MOB3B: variants seen among roughly 807,000 people sequenced by gnomAD.
MOB3B encodes MOB kinase activator-like 2B.
Under a neutral mutation model 18.7 loss-of-function variants are expected in MOB3B, and 7 were observed. That is an observed-to-expected ratio of 0.37 (90% CI 0.21 to 0.70). The LOEUF (loss-of-function observed/expected upper bound fraction) is 0.70, where lower values mean the gene tolerates loss of function less well. MOB3B is among the 30% of genes least tolerant of loss of function. MOB3B has a pLI of 0.52. For synonymous variants in MOB3B, 111 were observed against 99.9 expected (o/e 1.11, Z -0.66); for missense variants, 253 against 281.3 (o/e 0.90, Z 0.72).
intron 2 of MOB3B, among the ~76,000 whole-genome samples, chr9:27,437,009 G>A (rs981404586): frequency 6.0e-5 from 9 of 150,620 alleles, no homozygotes; most frequent in Admixed American, 2.0e-4. Context: ...GGGAAGACCT[G>A]GGGGTGGGGG....
At position 27,330,439 on chromosome 9, in the gene MOB3B, G is replaced by C; in HGVS notation, c.*148C>G. ...GGTTAAGAGCACACAAAGTGAGTGG[G>C]GAATGTCTCTCAGGAGTCACTGCTT... On this transcript the variant is annotated 3_prime_UTR_variant, in exon 4 of 4. Coordinates refer to ENST00000262244, the MANE Select transcript of MOB3B (RefSeq NM_024761.5). The C allele has an allele frequency of 3.1e-6, 3 of 975,432 alleles. No individual in the cohort carries two copies. In the East Asian group the frequency reaches 8.0e-5, roughly 26 times the overall value. The allele number at this position is 975,432 out of a possible 1,614,324, so 60.4% of individuals were successfully genotyped here.
At chr9:27,487,917 T>A (rs1056772577) in intron 1 of MOB3B, among the ~76,000 whole-genome samples, 2 of 152,192 alleles carry the variant, frequency 1.3e-5, no homozygotes, top group African/African-American at 4.8e-5. Flanking sequence ...CTTCTGACTG[T>A]CTGATAATCT....
intron 1 of MOB3B, among the ~76,000 whole-genome samples, chr9:27,510,797 G>T (rs548968832): frequency 1.3e-5 from 2 of 152,256 alleles, no homozygotes; most frequent in South Asian, 4.1e-4. Flanking sequence ...GCTACCCACA[G>T]CCTGTCTCTC....
chr9:27,354,098 AG>A, intron 3 of MOB3B, among the ~76,000 whole-genome samples: 1 of 152,346 alleles, frequency 6.6e-6, no homozygotes, highest in Non-Finnish European at 1.5e-5. Flanking sequence ...CTGGGTTCCC[AG>A]GCTGCCAGCC....
chr9:27,339,244 T>C (rs1820906695), intron 3 of MOB3B, among the ~76,000 whole-genome samples: 1 of 152,208 alleles, frequency 6.6e-6, no homozygotes. Context: ...GGTTCAGGCA[T>C]GAGGCCTAAA....
chr9:27,384,853 G>A (rs1024506487), intron 2 of MOB3B, among the ~76,000 whole-genome samples: 17 of 152,306 alleles, frequency 1.1e-4, no homozygotes, highest in African/African-American at 4.1e-4. Context: ...TGTGCCTTGG[G>A]GGAGAACCTT....
At chr9:27,519,150 C>T (rs955283065) in intron 1 of MOB3B, among the ~76,000 whole-genome samples, 1 of 152,144 alleles carries the variant, frequency 6.6e-6, no homozygotes, top group Non-Finnish European at 1.5e-5. Context: ...CTCTCCATAT[C>T]CCTACACAAA....
chr9:27,489,358 C>T (rs1819779304), intron 1 of MOB3B, among the ~76,000 whole-genome samples: 1 of 151,556 alleles, frequency 6.6e-6, no homozygotes, highest in Non-Finnish European at 1.5e-5. Context: ...AGACCTTAGA[C>T]TTATACCCAG....
intron 2 of MOB3B, among the ~76,000 whole-genome samples, chr9:27,445,509 C>A (rs185278260): frequency 1.1e-4 from 16 of 152,146 alleles, no homozygotes; most frequent in African/African-American, 3.6e-4. Context: ...TCTGGTACCT[C>A]GTTGACACAT....
intron 1 of MOB3B, among the ~76,000 whole-genome samples, chr9:27,486,311 C>T (rs916896173): frequency 1.3e-5 from 2 of 152,140 alleles, no homozygotes; most frequent in African/African-American, 4.8e-5. Context: ...ACCTGTAAGC[C>T]AATACCTATC....
chr9:27,520,296 C>G (rs1368833581), intron 1 of MOB3B, among the ~76,000 whole-genome samples: 1 of 152,198 alleles, frequency 6.6e-6, no homozygotes, highest in Non-Finnish European at 1.5e-5. Context: ...AGAGCAGCCC[C>G]TGCTAACCAG....
chr9:27,369,187 C>A (rs1235796229), intron 2 of MOB3B, among the ~76,000 whole-genome samples: 2 of 152,140 alleles, frequency 1.3e-5, no homozygotes. Context: ...AGGTCTAGGA[C>A]TACCACACCT....
rs140755776 is a variant in MOB3B, at chr9:27,381,962, G to A, written c.419-22726C>T. Among the ~76,000 whole-genome samples, 157 of 152,270 alleles carry A rather than the reference G, an allele frequency of 1.0e-3. 1 individual carries two copies. Among genetic ancestry groups the A allele is most frequent in the African/African-American group, 3.5e-3 (144 of 41,556 alleles). ...CTGGAAAAAGTAACATTAAATTGAT[G>A]AGGGGTGGACATTAACCTGATACGA... On this transcript the variant is annotated intron_variant, in intron 2 of 3. Coordinates refer to ENST00000262244, the MANE Select transcript of MOB3B (RefSeq NM_024761.5).
At chr9:27,481,511 GTTTTTTTTGTTTTTT>G (rs1332192159) in intron 1 of MOB3B, among the ~76,000 whole-genome samples, 1 of 69,650 alleles carries the variant, frequency 1.4e-5, no homozygotes, top group Non-Finnish European at 3.8e-5. Flanking sequence ...TTTTTTTTTT[GTTTTTTTTGTTTTTT>G]TTTTTTTTTG....
At position 27,524,495 on chromosome 9, in the gene MOB3B, T is replaced by G. The variant is rs202116714; in HGVS notation, c.-199+5060A>C. 7 of 1,614,116 alleles carry G rather than the reference T, an allele frequency of 4.3e-6. No homozygotes were observed. In the East Asian group the frequency reaches 1.6e-4, roughly 36 times the overall value. On this transcript the variant is annotated intron_variant, in intron 1 of 3. Coordinates refer to ENST00000262244, the MANE Select transcript of MOB3B (RefSeq NM_024761.5). Reference sequence around the variant, plus strand: ...TGAGACATCTGAGTAGTATGAGCAATTCATTTCCTGTAGAATGTCTACGAG... The same window carrying G: ...TGAGACATCTGAGTAGTATGAGCAAGTCATTTCCTGTAGAATGTCTACGAG...
intron 1 of MOB3B, among the ~76,000 whole-genome samples, chr9:27,491,851 C>T (rs1186824842): frequency 1.3e-5 from 2 of 152,022 alleles, no homozygotes; most frequent in South Asian, 2.1e-4. Context: ...CCAGCCTGGG[C>T]GACAGAGCAA....
chr9:27,364,256 A>G (rs1334414722), intron 2 of MOB3B, among the ~76,000 whole-genome samples: 1 of 152,206 alleles, frequency 6.6e-6, no homozygotes, highest in East Asian at 1.9e-4. Context: ...ACATGGCACA[A>G]GTGACCCAAC....
At chr9:27,446,423 T>C (rs895548987) in intron 2 of MOB3B, among the ~76,000 whole-genome samples, 4 of 152,226 alleles carry the variant, frequency 2.6e-5, no homozygotes, top group Non-Finnish European at 5.9e-5. Flanking sequence ...TCTAAAGTTC[T>C]ATTAGAGACT....
At chr9:27,436,320 T>C (rs924303937) in intron 2 of MOB3B, among the ~76,000 whole-genome samples, 1 of 152,252 alleles carries the variant, frequency 6.6e-6, no homozygotes, top group African/African-American at 2.4e-5. Flanking sequence ...TTCATGTGCC[T>C]GGCACTATCT....
Sources: gnomAD v4.1 joint callset for allele counts (sites outside exome capture counted in the v4.1 genomes callset) on GRCh38, gnomAD v4.1.1 for gene constraint, MANE v1.5 for transcripts, NCBI Gene and HGNC (gene_info 2026-07-23, HGNC 2026-07-21) for gene names.